The following PTPN14 variants were observed in gnomAD, a reference collection of about 807,000 sequenced individuals.
The protein encoded by PTPN14 is protein tyrosine phosphatase non-receptor type 14, also known as tyrosine-protein phosphatase non-receptor type 14.
PTPN14 carries 53 observed loss-of-function variants against 126.8 expected under a neutral mutation model. The observed-to-expected ratio is 0.42, with a 90% confidence interval of 0.34 to 0.53. The LOEUF is 0.53. PTPN14 is among the 20% of genes least tolerant of loss of function. The pLI is 0.08. For missense variants in PTPN14, 1,257 were observed against 1,552.9 expected (o/e 0.81, Z 3.20); for synonymous variants, 630 against 599.3 (o/e 1.05, Z -0.75).
At chr1:214,397,846 A>C (rs1658922092) in intron 8 of PTPN14, 67 bp downstream of exon 8, 2 of 1,324,624 alleles carry the variant, frequency 1.5e-6, no homozygotes, top group South Asian at 1.3e-5. Context: ...TTGGATGTTA[A>C]TGTAACATTA....
At chr1:214,394,153 G>C (rs1041125773) in intron 9 of PTPN14, among the ~76,000 whole-genome samples, 1 of 152,198 alleles carries the variant, frequency 6.6e-6, no homozygotes, top group Non-Finnish European at 1.5e-5. Context: ...CTTGGCTCTC[G>C]AGGAGGCACT....
chr1:214,398,754 A>C (rs1658947552), intron 7 of PTPN14, among the ~76,000 whole-genome samples: 1 of 145,644 alleles, frequency 6.9e-6, no homozygotes, highest in African/African-American at 2.6e-5. Flanking sequence ...TATTCTTGAA[A>C]TCACTAAAAG....
intron 11 of PTPN14, among the ~76,000 whole-genome samples, chr1:214,387,329 C>T (rs1658642935): frequency 6.6e-6 from 1 of 152,180 alleles, no homozygotes; most frequent in Non-Finnish European, 1.5e-5. Flanking sequence ...CTGGGCAACA[C>T]ATTGAAATGC....
intron 5 of PTPN14, among the ~76,000 whole-genome samples, chr1:214,405,814 T>C (rs572701112): frequency 2.0e-5 from 3 of 152,248 alleles, no homozygotes; most frequent in Non-Finnish European, 2.9e-5. Context: ...TGTCTTTTAA[T>C]GCTTACAACG....
At chr1:214,464,587 A>T in intron 2 of PTPN14, 43 bp downstream of exon 2, 1 of 1,596,318 alleles carries the variant, frequency 6.3e-7, no homozygotes, top group Non-Finnish European at 8.6e-7. Flanking sequence ...CATACCCAAC[A>T]CGCATGCACG....
intron 1 of PTPN14, among the ~76,000 whole-genome samples, chr1:214,481,643 T>C (rs1299394194): frequency 1.3e-5 from 2 of 152,144 alleles, no homozygotes; most frequent in African/African-American, 4.8e-5. Context: ...AGAGTACTGC[T>C]GCTCTGAAGT....
intron 1 of PTPN14, chr1:214,532,405 G>A (rs1001775775): frequency 2.9e-6 from 2 of 699,358 alleles, no homozygotes; most frequent in Non-Finnish European, 5.1e-6. Context: ...GCAGGAATAG[G>A]AGGCATCCAG....
chr1:214,383,756 T>A lies in PTPN14; in HGVS notation c.2099A>T (p.Asp700Val), dbSNP rs1658531456. 1.2e-6 allele frequency: 2 copies of A among 1,613,448 alleles called. No individual in the cohort carries two copies. The highest frequency in any genetic ancestry group is 1.7e-6 in the Non-Finnish European group (2 of 1,180,022). The change falls in exon 13 of 19, where the codon GAT becomes GTT. Residue 700 changes from aspartate to valine, a missense_variant. By Grantham distance (152) the Asp-to-Val change is radical. Transcript: ENST00000366956. The surrounding 1 kb of genome is among the most constrained non-coding windows in gnomAD (Gnocchi z 4.4). ...PQYHHKKTFSDATMLIHSSES... is the reference protein window; with the variant it reads ...PQYHHKKTFSVATMLIHSSES... ...GCTGCTGTGGATTAGCATAGTGGCA[T>A]CAGAGAAGGTCTTCTTGTGGTGATA...
At chr1:214,512,986 C>T (rs1411751982) in intron 1 of PTPN14, among the ~76,000 whole-genome samples, 1 of 152,060 alleles carries the variant, frequency 6.6e-6, no homozygotes, top group Admixed American at 6.6e-5. Flanking sequence ...GCTACCGCAC[C>T]CAGCCAAAAA....
intron 1 of PTPN14, among the ~76,000 whole-genome samples, chr1:214,538,525 A>G (rs1655762623): frequency 6.6e-6 from 1 of 152,244 alleles, no homozygotes; most frequent in South Asian, 2.1e-4. Context: ...GAGAATACTG[A>G]GCAAATTAGC....
chr1:214,389,656 G>A (rs796781690), intron 11 of PTPN14, among the ~76,000 whole-genome samples: 33 of 152,316 alleles, frequency 2.2e-4, no homozygotes, highest in African/African-American at 7.0e-4. Context: ...AAATAGGTAA[G>A]CCTCTGCATC....
chr1:214,526,193 T>C (rs1034179322), intron 1 of PTPN14, among the ~76,000 whole-genome samples: 1 of 152,106 alleles, frequency 6.6e-6, no homozygotes, highest in Non-Finnish European at 1.5e-5. Flanking sequence ...CTCGAACTCC[T>C]GACTTCAGGT....
intron 1 of PTPN14, among the ~76,000 whole-genome samples, chr1:214,481,455 G>A (rs1306962423): frequency 7.5e-6 from 1 of 133,518 alleles, no homozygotes; most frequent in Non-Finnish European, 1.5e-5. Context: ...AGGTTGCTGT[G>A]AGCCAAGATG....
At chr1:214,519,665 T>C (rs528953746) in intron 1 of PTPN14, among the ~76,000 whole-genome samples, 2 of 152,332 alleles carry the variant, frequency 1.3e-5, no homozygotes, top group African/African-American at 4.8e-5. Flanking sequence ...TTGAGTAGCA[T>C]ATTACATGAA....
At chr1:214,382,304 A>C (rs1658493115) in intron 13 of PTPN14, among the ~76,000 whole-genome samples, 2 of 151,568 alleles carry the variant, frequency 1.3e-5, no homozygotes, top group Middle Eastern at 6.9e-3. Flanking sequence ...TGACAACTTA[A>C]CTGTCTCCCC....
intron 1 of PTPN14, among the ~76,000 whole-genome samples, chr1:214,479,405 T>A (rs1215142667): frequency 6.6e-6 from 1 of 151,074 alleles, no homozygotes; most frequent in Admixed American, 6.6e-5. Flanking sequence ...AATGGCGTGA[T>A]CTTGGCTCAC....
At chr1:214,509,533 A>C (rs1558135136) in intron 1 of PTPN14, among the ~76,000 whole-genome samples, 1 of 152,230 alleles carries the variant, frequency 6.6e-6, no homozygotes, top group Non-Finnish European at 1.5e-5. Context: ...ATTAGCAATA[A>C]GGCTGTTTTG....
intron 1 of PTPN14, chr1:214,533,085 C>A (rs1431903755): frequency 1.9e-5 from 14 of 737,686 alleles, no homozygotes; most frequent in South Asian, 1.3e-4. Flanking sequence ...GACGTACGGT[C>A]CAGTCCTTGG....
intron 1 of PTPN14, among the ~76,000 whole-genome samples, chr1:214,520,065 A>AAATATAT: frequency 2.1e-4 from 15 of 71,110 alleles, no homozygotes; most frequent in African/African-American, 1.0e-3. Flanking sequence ...AAAAAAAAAA[A>AAATATAT]ATATATATAT....
Sources: gnomAD v4.1 joint callset for allele counts (sites outside exome capture counted in the v4.1 genomes callset) on GRCh38, gnomAD v4.1.1 for gene constraint, Gnocchi (gnomAD v3.1) non-coding constraint, MANE v1.5 for transcripts, NCBI Gene and HGNC (gene_info 2026-07-23, HGNC 2026-07-21) for gene names.